Variants in CCDC181 observed in about 807,000 individuals in gnomAD.
The protein encoded by CCDC181 is coiled-coil domain-containing protein 181.
In CCDC181, 35 loss-of-function variants were observed where a neutral mutation model predicts 58.7. The ratio of observed to expected loss-of-function variants is 0.60; its 90% CI spans 0.46 to 0.79. The LOEUF (loss-of-function observed/expected upper bound fraction) is 0.79. Among genes scored for constraint, CCDC181 ranks in the 30% least tolerant of loss-of-function variants. The pLI is 0.00. For synonymous variants in CCDC181, 183 were observed against 197.5 expected (o/e 0.93, Z 0.62); for missense variants, 517 against 583.9 (o/e 0.89, Z 1.18).
chr1:169,448,900 T>C (rs1294416546), intron 2 of CCDC181, among the ~76,000 whole-genome samples: 1 of 152,170 alleles, frequency 6.6e-6, no homozygotes, highest in African/African-American at 2.4e-5. Context: ...TCTGTTTCCC[T>C]ATCTTCTAGC....
At chr1:169,416,889 T>C (rs1157324201) in intron 4 of CCDC181, among the ~76,000 whole-genome samples, 1 of 152,142 alleles carries the variant, frequency 6.6e-6, no homozygotes, top group East Asian at 1.9e-4. Flanking sequence ...AAAAATATAT[T>C]GTCAGACTAG....
intron 2 of CCDC181, among the ~76,000 whole-genome samples, chr1:169,449,774 C>T (rs1429608792): frequency 2.0e-5 from 3 of 152,198 alleles, no homozygotes; most frequent in African/African-American, 7.2e-5. Context: ...ATTCTAGCTG[C>T]GATGGCAGCT....
chr1:169,415,130 T>C (rs559168220), intron 4 of CCDC181, among the ~76,000 whole-genome samples: 4 of 152,356 alleles, frequency 2.6e-5, no homozygotes, highest in Middle Eastern at 3.4e-3. Context: ...AGCACAATTA[T>C]GTGCAAATAT....
At chr1:169,402,266 G>C (rs1655396623) in intron 4 of CCDC181, among the ~76,000 whole-genome samples, 1 of 152,162 alleles carries the variant, frequency 6.6e-6, no homozygotes, top group Non-Finnish European at 1.5e-5. Flanking sequence ...CCCCAAGCTA[G>C]CAAGGCAGGC....
chr1:169,399,550 G>A (rs945702279), intron 4 of CCDC181, among the ~76,000 whole-genome samples: 1 of 152,092 alleles, frequency 6.6e-6, no homozygotes, highest in Non-Finnish European at 1.5e-5. Flanking sequence ...ACTCTCAATA[G>A]TGGAGGGAAC....
At chr1:169,438,704 T>A (rs1026344857) in intron 2 of CCDC181, among the ~76,000 whole-genome samples, 1 of 152,084 alleles carries the variant, frequency 6.6e-6, no homozygotes, top group African/African-American at 2.4e-5. Context: ...GTAATTCACA[T>A]TGGGATCTCT....
chr1:169,394,962 GA>G lies in CCDC181; in HGVS notation c.*84del, dbSNP rs1316434590. 1,585 of 1,191,842 alleles carry G rather than the reference GA, an allele frequency of 1.3e-3. 13 individuals carry two copies. The African/African-American group carries it at 0.021, about 16-fold the overall frequency. The allele number at this position is 1,191,842 out of a possible 1,614,324, so 73.8% of individuals were successfully genotyped here. Reference sequence around the variant, plus strand: ...AGATAAATACCATTTCCATAATTTAGAATACAACCAAAGTACACAGACCCTA... The same window carrying G: ...AGATAAATACCATTTCCATAATTTAGATACAACCAAAGTACACAGACCCTA... On this transcript the variant is annotated 3_prime_UTR_variant, in exon 6 of 6. Coordinates refer to ENST00000367806, the MANE Select transcript of CCDC181 (RefSeq NM_001300969.2).
intron 4 of CCDC181, 24 bp downstream of exon 4, chr1:169,418,989 A>G: frequency 6.3e-7 from 1 of 1,579,676 alleles, no homozygotes; most frequent in Non-Finnish European, 8.7e-7. Flanking sequence ...GTATGAACTT[A>G]TTTTTCAGAG....
At chr1:169,442,013 A>G (rs1175920207) in intron 2 of CCDC181, among the ~76,000 whole-genome samples, 1 of 152,132 alleles carries the variant, frequency 6.6e-6, no homozygotes, top group African/African-American at 2.4e-5. Flanking sequence ...TGAGGAAGAG[A>G]ACAGTATAAA....
intron 2 of CCDC181, among the ~76,000 whole-genome samples, chr1:169,448,901 A>G (rs6656776): frequency 0.029 from 4,397 of 151,948 alleles, 181 homozygotes; most frequent in African/African-American, 0.099. Context: ...CTGTTTCCCT[A>G]TCTTCTAGCT....
At chr1:169,416,450 T>G (rs1656219346) in intron 4 of CCDC181, among the ~76,000 whole-genome samples, 1 of 152,172 alleles carries the variant, frequency 6.6e-6, no homozygotes, top group African/African-American at 2.4e-5. Context: ...CTCCTATTAT[T>G]TTTACCTCAT....
chr1:169,397,542 A>G (rs548908274), intron 4 of CCDC181, among the ~76,000 whole-genome samples, 151 bp from the exon 5 acceptor site: 2 of 152,306 alleles, frequency 1.3e-5, no homozygotes, highest in South Asian at 4.1e-4. Context: ...TATCCAAACC[A>G]AATACATCAC....
upstream of CCDC181, among the ~76,000 whole-genome samples, chr1:169,429,919 A>G (rs780560021): frequency 3.9e-5 from 6 of 152,214 alleles, no homozygotes; most frequent in Non-Finnish European, 8.8e-5. Context: ...GCTATCTTCT[A>G]GAATTTTTAT....
At chr1:169,433,743 G>C (rs1656978887) in intron 2 of CCDC181, among the ~76,000 whole-genome samples, 1 of 151,948 alleles carries the variant, frequency 6.6e-6, no homozygotes. Context: ...AAATGAATTA[G>C]GTTGGACCCT....
chr1:169,458,321 A>G (rs75837729), intron 2 of CCDC181, among the ~76,000 whole-genome samples: 2,229 of 152,196 alleles, frequency 0.015, 60 homozygotes, highest in African/African-American at 0.05. Flanking sequence ...GATAATGCCA[A>G]AATGTTATTC....
At chr1:169,456,434 A>G (rs1219009892) in intron 2 of CCDC181, among the ~76,000 whole-genome samples, 5 of 152,134 alleles carry the variant, frequency 3.3e-5, no homozygotes, top group Non-Finnish European at 1.5e-5. Context: ...ATTATTAATT[A>G]GTAAAGCTAA....
intron 2 of CCDC181, among the ~76,000 whole-genome samples, chr1:169,450,792 G>A (rs1021110370): frequency 1.3e-5 from 2 of 152,126 alleles, no homozygotes; most frequent in African/African-American, 4.8e-5. Flanking sequence ...CTCTACAGCT[G>A]TTAATACTTG....
chr1:169,399,271 C>G (rs1655213682), intron 4 of CCDC181, among the ~76,000 whole-genome samples: 1 of 152,040 alleles, frequency 6.6e-6, no homozygotes, highest in Non-Finnish European at 1.5e-5. Flanking sequence ...AACAGCCCAG[C>G]CAACAGAAGA....
chr1:169,454,094 A>G (rs1335017303), intron 2 of CCDC181, among the ~76,000 whole-genome samples: 1 of 152,042 alleles, frequency 6.6e-6, no homozygotes, highest in Non-Finnish European at 1.5e-5. Context: ...CCATTTTTAG[A>G]ATGTACTCAT....
Sources: gnomAD v4.1 joint callset for allele counts (sites outside exome capture counted in the v4.1 genomes callset) on GRCh38, gnomAD v4.1.1 for gene constraint, MANE v1.5 for transcripts, NCBI Gene and HGNC (gene_info 2026-07-23, HGNC 2026-07-21) for gene names.